The following ZBTB1 variants were observed in gnomAD, a reference collection of about 807,000 sequenced individuals.
ZBTB1 encodes zinc finger and BTB domain containing 1.
A neutral mutation model predicts 51.6 loss-of-function variants in ZBTB1; 13 were observed. The ratio of observed to expected loss-of-function variants is 0.25; its 90% CI spans 0.16 to 0.40. The LOEUF is 0.40. ZBTB1 is among the 10% of genes least tolerant of loss of function. The pLI is 1.00. For missense variants in ZBTB1, 567 were observed against 856.5 expected (o/e 0.66, Z 4.22); for synonymous variants, 240 against 282.2 (o/e 0.85, Z 1.50).
At chr14:64,525,004 G>T (rs1409782983), downstream of ZBTB1, 1 of 883,124 alleles carries the variant, frequency 1.1e-6, no homozygotes, top group Non-Finnish European at 1.4e-6. Flanking sequence ...TAATGAAAGG[G>T]ATTTTAATTA....
At chr14:64,527,417 T>C (rs949758020), downstream of ZBTB1, among the ~76,000 whole-genome samples, 3 of 152,120 alleles carry the variant, frequency 2.0e-5, no homozygotes, top group East Asian at 5.8e-4. Flanking sequence ...AAGACCAGCC[T>C]GGCCAACATG....
rs1596701619 is a variant in ZBTB1, at chr14:64,523,424, T to A, written c.1920T>A (p.Asp640Glu). The change falls in exon 2 of 2, where the codon GAT (aspartate) becomes GAA (glutamate). Residue 640 changes from aspartate (D) to glutamate (E), a missense_variant. Transcript: ENST00000683701. This position sits in a 1 kb window ranked among gnomAD's most constrained non-coding sequence, Gnocchi z 4.5. The stretch of plus-strand genomic sequence containing the variant: ...CCAGGTATGTCTGTTCCATTTGTGA[T>A]CAAGGAAACTTCAGAAAACATGACC... ...GMARYVCSIC[D>E]QGNFRKHDHV... is the part of the protein sequence containing the mutation. 1 of 1,614,206 alleles carries A rather than the reference T, an allele frequency of 6.2e-7. No homozygotes were observed. Among genetic ancestry groups the A allele is most frequent in the South Asian group, 1.1e-5 (1 of 91,084 alleles).
In ZBTB1 at chr14:64,522,998, C is replaced by T. The variant is rs748192936; in HGVS notation, c.1494C>T (p.Ser498=). 6.4e-5 allele frequency: 104 copies of T among 1,613,844 alleles called. No individual in the cohort carries two copies. In the African/African-American group the frequency reaches 7.8e-4, roughly 12 times the overall value. The part of the protein sequence containing the change: ...MDLEENPDEQ[S]EIRDMFVEML... Reference sequence around the variant, plus strand: ...TGGAAGAGAATCCTGATGAGCAGTCCGAAATAAGAGATATGTTTGTTGAAA... The same window carrying T: ...TGGAAGAGAATCCTGATGAGCAGTCTGAAATAAGAGATATGTTTGTTGAAA... The change falls in exon 2 of 2, where the codon TCC becomes TCT. Residue 498 remains serine (S), a synonymous_variant. Transcript: ENST00000683701.
At chr14:64,503,765 C>G (rs2079578642), upstream of ZBTB1, 2 of 280,228 alleles carry the variant, frequency 7.1e-6, no homozygotes, top group South Asian at 2.7e-4. Context: ...CCTCGGCCGC[C>G]TCTCGCGCGG....
intron 1 of ZBTB1, among the ~76,000 whole-genome samples, chr14:64,517,775 ATATATATTTT>A (rs1316121010): frequency 1.0e-4 from 7 of 67,992 alleles, no homozygotes; most frequent in African/African-American, 4.8e-4. Flanking sequence ...ATATATATAT[ATATATATTTT>A]TTTTTTTTTT....
At chr14:64,504,697 C>G (rs2079609203), upstream of ZBTB1, 3 of 366,058 alleles carry the variant, frequency 8.2e-6, no homozygotes, top group Non-Finnish European at 1.5e-5. Flanking sequence ...TGGGCAGACC[C>G]GGAGTCGCCG....
chr14:64,517,781 A>ATTTTT (rs10590459), intron 1 of ZBTB1, among the ~76,000 whole-genome samples: 6 of 41,562 alleles, frequency 1.4e-4, no homozygotes, highest in East Asian at 7.8e-4. Flanking sequence ...ATATATATAT[A>ATTTTT]TTTTTTTTTT....
At chr14:64,520,272 G>A (rs1012307040) in intron 1 of ZBTB1, among the ~76,000 whole-genome samples, 1 of 152,028 alleles carries the variant, frequency 6.6e-6, no homozygotes. Context: ...CAAAGTGCTG[G>A]GATTACAGGT....
chr14:64,522,337 C>G lies in ZBTB1; in HGVS notation c.833C>G (p.Ser278Cys). 6.2e-7 allele frequency: 1 copy of G among 1,614,186 alleles called. No individual in the cohort carries two copies. Among genetic ancestry groups the G allele is most frequent in the Non-Finnish European group, 8.5e-7 (1 of 1,180,046 alleles). ...GAAAAAGATTCTTCCAAAACATTTT[C>G]TGCACAGACGGACAAATACAGAGGA... Reference protein sequence around the residue: ...FGEKDSSKTFSAQTDKYRGDT... With the variant: ...FGEKDSSKTFCAQTDKYRGDT... Residue 278 changes from serine to cysteine, a missense_variant, in exon 2 of 2, where the codon TCT (serine) becomes TGT (cysteine). Ser to Cys is a moderately radical substitution (Grantham distance 112, BLOSUM62 -1). Coordinates refer to ENST00000683701, the MANE Select transcript of ZBTB1 (RefSeq NM_001123329.2).
rs2079888785 is a variant in ZBTB1 at position 64,524,566 on chromosome 14, A to G, written c.*920A>G. The G allele has an allele frequency of 2.0e-6, 2 of 983,212 alleles. No homozygotes were observed. Among genetic ancestry groups the G allele is most frequent in the Non-Finnish European group, 2.4e-6 (2 of 828,040 alleles). 60.9% of individuals were successfully genotyped at this position (983,212 alleles called of 1,614,324 possible). On this transcript the variant is annotated 3_prime_UTR_variant, in exon 2 of 2. Coordinates refer to ENST00000683701, the MANE Select transcript of ZBTB1 (RefSeq NM_001123329.2). ...AAAGGAAAAGATGATTTTTTACAAT[A>G]CATACTTCTGGAACTTTGAGATTTG...
At chr14:64,520,066 A>ATC (rs1473035353) in intron 1 of ZBTB1, among the ~76,000 whole-genome samples, 1 of 151,964 alleles carries the variant, frequency 6.6e-6, no homozygotes, top group African/African-American at 2.4e-5. Context: ...CAGTGGTGCG[A>ATC]TCTCGGCTCA....
chr14:64,530,980 A>T (rs192057540), intron 2 of ZBTB1, among the ~76,000 whole-genome samples: 1 of 152,328 alleles, frequency 6.6e-6, no homozygotes, highest in Admixed American at 6.5e-5. Context: ...AATTTAAAAG[A>T]TTATTTCATA....
upstream of ZBTB1, chr14:64,504,731 G>A (rs190704564): frequency 1.1e-3 from 397 of 373,374 alleles, 2 homozygotes; most frequent in Non-Finnish European, 6.3e-4. Flanking sequence ...GGCTCAGTGC[G>A]GTGCGGCAGG....
At chr14:64,508,585 A>G (rs969508297) in intron 1 of ZBTB1, among the ~76,000 whole-genome samples, 2 of 152,196 alleles carry the variant, frequency 1.3e-5, no homozygotes, top group South Asian at 4.1e-4. Context: ...TTGAATCAAG[A>G]GTCTCAGCTT....
exon 3 of ZBTB1, chr14:64,532,936 T>A (rs2079953479): frequency 6.6e-6 from 1 of 152,116 alleles, no homozygotes; most frequent in Non-Finnish European, 1.5e-5. Flanking sequence ...GTTTTACTTC[T>A]TTCTGTTTAT....
intron 1 of ZBTB1, among the ~76,000 whole-genome samples, chr14:64,517,229 A>T (rs1467647775): frequency 6.6e-6 from 1 of 152,162 alleles, no homozygotes. Flanking sequence ...ATGATACTGT[A>T]TTTGAGGTAT....
intron 1 of ZBTB1, among the ~76,000 whole-genome samples, chr14:64,508,223 T>G (rs1194088451): frequency 2.0e-5 from 3 of 152,222 alleles, no homozygotes; most frequent in Non-Finnish European, 4.4e-5. Context: ...GTCTTTGAAT[T>G]TAAAATAGTT....
intron 1 of ZBTB1, among the ~76,000 whole-genome samples, chr14:64,512,658 C>CCT: frequency 6.6e-6 from 1 of 152,266 alleles, no homozygotes; most frequent in South Asian, 2.1e-4. Flanking sequence ...GTACTAAGTA[C>CCT]TGAATTTGGA....
chr14:64,525,644 A>G (rs1256934269), downstream of ZBTB1, among the ~76,000 whole-genome samples: 1 of 152,248 alleles, frequency 6.6e-6, no homozygotes, highest in Middle Eastern at 3.4e-3. Context: ...TCTAAATACT[A>G]CCACTTTTTG....
Sources: gnomAD v4.1 joint callset for allele counts (sites outside exome capture counted in the v4.1 genomes callset) on GRCh38, gnomAD v4.1.1 for gene constraint, Gnocchi (gnomAD v3.1) non-coding constraint, MANE v1.5 for transcripts, NCBI Gene and HGNC (gene_info 2026-07-23, HGNC 2026-07-21) for gene names.